Variants in C1QTNF3 observed in about 807,000 individuals in gnomAD.
The protein encoded by C1QTNF3 is complement C1q tumor necrosis factor-related protein 3.
C1QTNF3 carries 26 observed loss-of-function variants against 32.6 expected under a neutral mutation model. The observed-to-expected ratio is 0.80, with a 90% CI of 0.58 to 1.11. The LOEUF is 1.11. Ranked by LOEUF, C1QTNF3 falls within the 50% of genes least tolerant of loss-of-function variation. The pLI is 0.00. For missense variants in C1QTNF3, 362 were observed against 398.2 expected (o/e 0.91, Z 0.77); for synonymous variants, 155 against 146.0 (o/e 1.06, Z -0.44).
chr5:34,175,742 G>A, the C1QTNF3 span: 1 of 646,516 alleles, frequency 1.5e-6, no homozygotes, highest in Non-Finnish European at 2.8e-6. Context: ...TATTCTTACA[G>A]CCAAAATGTC....
chr5:34,143,519 C>T, the C1QTNF3 span, among the ~76,000 whole-genome samples: 1 of 152,108 alleles, frequency 6.6e-6, no homozygotes, highest in African/African-American at 2.4e-5. Context: ...ATCTTAAAGG[C>T]TGCCAGAAAG....
At chr5:34,224,683 TAAAACCATA>T in the C1QTNF3 span, among the ~76,000 whole-genome samples, 1 of 152,088 alleles carries the variant, frequency 6.6e-6, no homozygotes, top group South Asian at 2.1e-4. Context: ...ACGCTAGACT[TAAAACCATA>T]AAAACCCCAG....
At chr5:34,179,900 G>A in the C1QTNF3 span, among the ~76,000 whole-genome samples, 1 of 152,312 alleles carries the variant, frequency 6.6e-6, no homozygotes, top group Admixed American at 6.5e-5. Context: ...CAGGTCCTGG[G>A]CAGTAGGAGT....
chr5:34,196,130 T>C, the C1QTNF3 span, among the ~76,000 whole-genome samples: 3 of 152,274 alleles, frequency 2.0e-5, no homozygotes, highest in African/African-American at 2.4e-5. Context: ...GTGAGAAATA[T>C]CTGTTTTTTT....
At chr5:34,108,335 T>C in the C1QTNF3 span, among the ~76,000 whole-genome samples, 1 of 152,158 alleles carries the variant, frequency 6.6e-6, no homozygotes, top group Non-Finnish European at 1.5e-5. Context: ...GAAATGGCTT[T>C]GTTTCCAATA....
At chr5:34,110,622 A>C in the C1QTNF3 span, among the ~76,000 whole-genome samples, 15 of 152,188 alleles carry the variant, frequency 9.9e-5, no homozygotes, top group East Asian at 1.9e-4. Context: ...CAGAGCAATA[A>C]AATTTTGCAG....
At chr5:34,064,673 G>A in the C1QTNF3 span, among the ~76,000 whole-genome samples, 1 of 152,112 alleles carries the variant, frequency 6.6e-6, no homozygotes, top group Non-Finnish European at 1.5e-5. Flanking sequence ...CTGGGACGGC[G>A]GCAAACAGCA....
chr5:34,056,966 T>C, the C1QTNF3 span, among the ~76,000 whole-genome samples: 12 of 152,316 alleles, frequency 7.9e-5, no homozygotes, highest in East Asian at 2.3e-3. Context: ...ACATCCTTAC[T>C]GGAATGTGAG....
chr5:34,058,024 A>G, the C1QTNF3 span, among the ~76,000 whole-genome samples: 1 of 152,162 alleles, frequency 6.6e-6, no homozygotes, highest in Non-Finnish European at 1.5e-5. Context: ...CTTGACAGAA[A>G]AGAAGAAGTT....
At chr5:34,118,828 T>C in the C1QTNF3 span, among the ~76,000 whole-genome samples, 6 of 152,152 alleles carry the variant, frequency 3.9e-5, no homozygotes, top group Admixed American at 3.3e-4. Context: ...TTTCATCACA[T>C]TGAAAAGGTT....
chr5:34,161,151 C>A, the C1QTNF3 span, among the ~76,000 whole-genome samples: 1 of 152,150 alleles, frequency 6.6e-6, no homozygotes, highest in Non-Finnish European at 1.5e-5. Context: ...CCCTTGCAAG[C>A]CTCAGATGAA....
chr5:34,137,707 C>T, the C1QTNF3 span, among the ~76,000 whole-genome samples: 1 of 152,214 alleles, frequency 6.6e-6, no homozygotes, highest in South Asian at 2.1e-4. Flanking sequence ...CATGCACACA[C>T]ATATGAGTGC....
the C1QTNF3 span, among the ~76,000 whole-genome samples, chr5:34,109,822 CAGACTGTTTTCTG>C: frequency 6.6e-6 from 1 of 152,288 alleles, no homozygotes; most frequent in South Asian, 2.1e-4. Context: ...ACAATTGATA[CAGACTGTTTTCTG>C]AGAACTTAGC....
chr5:34,147,705 T>C, the C1QTNF3 span, among the ~76,000 whole-genome samples: 1 of 152,070 alleles, frequency 6.6e-6, no homozygotes, highest in African/African-American at 2.4e-5. Context: ...GAAAAACTAC[T>C]TATCATGTAC....
the C1QTNF3 span, among the ~76,000 whole-genome samples, chr5:34,161,828 T>C: frequency 1.3e-5 from 2 of 152,196 alleles, no homozygotes; most frequent in Admixed American, 6.5e-5. Flanking sequence ...ATTGACAATG[T>C]TACTGATGCT....
chr5:34,092,775 T>C, the C1QTNF3 span, among the ~76,000 whole-genome samples: 1 of 151,936 alleles, frequency 6.6e-6, no homozygotes, highest in Admixed American at 6.6e-5. Context: ...AGTAACTCTA[T>C]TAAAGACACC....
the C1QTNF3 span, among the ~76,000 whole-genome samples, chr5:34,224,793 T>C: frequency 1.3e-5 from 2 of 152,038 alleles, no homozygotes; most frequent in African/African-American, 2.4e-5. Context: ...AAAGCCAAAA[T>C]TGACAAATGG....
chr5:34,079,137 T>C, the C1QTNF3 span, among the ~76,000 whole-genome samples: 4 of 151,586 alleles, frequency 2.6e-5, no homozygotes, highest in African/African-American at 9.8e-5. Flanking sequence ...AAAAACACTG[T>C]GATCTAAGCC....
the C1QTNF3 span, among the ~76,000 whole-genome samples, chr5:34,178,480 A>C: frequency 6.6e-6 from 1 of 152,420 alleles, no homozygotes; most frequent in South Asian, 2.1e-4. Context: ...GGAGTTACTA[A>C]ATCAGGATCT....
Sources: allele counts gnomAD v4.1 joint callset (sites outside exome capture counted in the v4.1 genomes callset), GRCh38; gene constraint gnomAD v4.1.1; transcripts MANE v1.5; gene names NCBI Gene and HGNC (gene_info 2026-07-23, HGNC 2026-07-21).